KATNIP: variants seen among roughly 807,000 people sequenced by gnomAD.
The protein encoded by KATNIP is katanin-interacting protein.
KATNIP carries 126 observed loss-of-function variants against 174.0 expected under a neutral mutation model. The ratio of observed to expected loss-of-function variants is 0.72; its 90% CI spans 0.63 to 0.84. The LOEUF is 0.84. Ranked by LOEUF, KATNIP falls within the 40% of genes least tolerant of loss-of-function variation. The pLI is 0.00. For missense variants in KATNIP, 1,958 were observed against 2,109.7 expected, an observed-to-expected ratio of 0.93 and a Z score of 1.41; for synonymous variants, 810 against 835.7, an observed-to-expected ratio of 0.97 and a Z score of 0.53.
intron 3 of KATNIP, among the ~76,000 whole-genome samples, chr16:27,619,717 C>T (rs75692704): frequency 0.022 from 3,329 of 152,254 alleles, 138 homozygotes; most frequent in African/African-American, 0.076. Context: ...CACCCACTTT[C>T]CAGATACCTA....
At chr16:27,704,549 G>C (rs752525254) in intron 12 of KATNIP, among the ~76,000 whole-genome samples, 59 of 152,264 alleles carry the variant, frequency 3.9e-4, no homozygotes, top group Non-Finnish European at 7.6e-4. Flanking sequence ...TAAAAAGCTA[G>C]AGGCAGGAAG....
intron 18 of KATNIP, chr16:27,757,468 C>T (rs1311753353): frequency 1.0e-6 from 1 of 983,290 alleles, no homozygotes; most frequent in Non-Finnish European, 1.2e-6. Flanking sequence ...AGCCACTGTC[C>T]CCTTCATCTG....
chr16:27,750,300 G>A lies in KATNIP; in HGVS notation c.3340G>A (p.Ala1114Thr), dbSNP rs779855826. ...GEIAKASGTL[A>T]GAPEHFGDTI... ...AATCGCCAAGGCCTCTGGAACCCTGGCGGGAGGTATGGCGTGTCTGTAAGA... is the reference window on the plus strand; with the variant it reads ...AATCGCCAAGGCCTCTGGAACCCTGACGGGAGGTATGGCGTGTCTGTAAGA... The change falls in exon 16 of 28, where the codon GCG becomes ACG. Residue 1114 changes from alanine to threonine, a missense_variant. By Grantham distance (58) the Ala-to-Thr change is moderately conservative. This residue lies in a region of KATNIP where 1,557 missense variants were observed against 1,617.8 expected (regional missense o/e 0.96). Transcript: ENST00000261588. 3 of 1,608,104 alleles carry A rather than the reference G, an allele frequency of 1.9e-6. No individual in the cohort carries two copies. Among genetic ancestry groups the A allele is most frequent in the Non-Finnish European group, 2.5e-6 (3 of 1,176,622 alleles).
At chr16:27,710,385 T>C (rs1314658999) in intron 13 of KATNIP, among the ~76,000 whole-genome samples, 1 of 151,748 alleles carries the variant, frequency 6.6e-6, no homozygotes, top group Admixed American at 6.6e-5. Flanking sequence ...CAACAGAATT[T>C]ACAAAAAAAA....
intron 6 of KATNIP, among the ~76,000 whole-genome samples, chr16:27,666,857 G>T (rs2077705264): frequency 6.6e-6 from 1 of 152,064 alleles, no homozygotes; most frequent in South Asian, 2.1e-4. Context: ...TATGGACGTG[G>T]ACTGGCAAGC....
chr16:27,771,462 T>C, intron 21 of KATNIP, 126 bp from the exon 22 acceptor site: 1 of 808,894 alleles, frequency 1.2e-6, no homozygotes, highest in Non-Finnish European at 2.0e-6. Context: ...ATCTCTCTTT[T>C]CCCTGCTGCA....
At chr16:27,588,035 G>A (rs939630729) in intron 2 of KATNIP, among the ~76,000 whole-genome samples, 1 of 151,510 alleles carries the variant, frequency 6.6e-6, no homozygotes, top group Non-Finnish European at 1.5e-5. Flanking sequence ...GGGACTATGG[G>A]CATATGCCGC....
chr16:27,641,981 G>T (rs986545166), intron 5 of KATNIP, among the ~76,000 whole-genome samples: 1 of 152,216 alleles, frequency 6.6e-6, no homozygotes, highest in African/African-American at 2.4e-5. Flanking sequence ...GCCCCTTCTC[G>T]AGCCATCTCT....
At chr16:27,713,854 A>ATATCTATC (rs68041437) in intron 13 of KATNIP, among the ~76,000 whole-genome samples, 18 of 69,334 alleles carry the variant, frequency 2.6e-4, no homozygotes, top group South Asian at 1.8e-3. Context: ...ATATATATAT[A>ATATCTATC]TATCTATCTC....
At chr16:27,674,800 C>T (rs1044023430) in intron 6 of KATNIP, among the ~76,000 whole-genome samples, 1 of 152,204 alleles carries the variant, frequency 6.6e-6, no homozygotes, top group African/African-American at 2.4e-5. Flanking sequence ...AAAGATTCAC[C>T]TCCATACCAC....
intron 1 of KATNIP, among the ~76,000 whole-genome samples, chr16:27,570,867 C>T (rs1217556761): frequency 6.6e-6 from 1 of 151,994 alleles, no homozygotes; most frequent in East Asian, 1.9e-4. Flanking sequence ...ACAGTATATA[C>T]GGTGAGAAAG....
At chr16:27,709,035 C>G in intron 13 of KATNIP, 115 bp downstream of exon 13, 2 of 813,684 alleles carry the variant, frequency 2.5e-6, no homozygotes, top group Non-Finnish European at 3.9e-6. Flanking sequence ...ACAACAAAAT[C>G]TGGCCAGGTA....
Position 27,777,477 on chromosome 16 carries a change from C to T in KATNIP, c.4552-133C>T. The T allele has an allele frequency of 1.3e-6, 1 of 758,256 alleles. No individual in the cohort carries two copies. Among genetic ancestry groups the T allele is most frequent in the South Asian group, 1.9e-5 (1 of 52,738 alleles). The allele number at this position is 758,256 out of a possible 1,614,324, so 47.0% of individuals were successfully genotyped here. On this transcript the variant is annotated intron_variant, in intron 25 of 27. Coordinates refer to ENST00000261588, the MANE Select transcript of KATNIP (RefSeq NM_015202.5). The surrounding 1 kb of genome is among the most constrained non-coding windows in gnomAD (Gnocchi z 4.4). ...GAAATCACAAGGCAGACACAGCACA[C>T]AGTAGGCGCTTGTTCCTGACAGCCC...
chr16:27,751,027 C>T (rs1411354510), intron 16 of KATNIP, among the ~76,000 whole-genome samples: 5 of 152,070 alleles, frequency 3.3e-5, no homozygotes, highest in Non-Finnish European at 5.9e-5. Flanking sequence ...TGCACCCAGC[C>T]ACAGACCCGG....
At chr16:27,684,334 T>C (rs1039389097) in intron 8 of KATNIP, among the ~76,000 whole-genome samples, 8 of 152,180 alleles carry the variant, frequency 5.3e-5, no homozygotes, top group African/African-American at 1.9e-4. Context: ...TCTTAATTAC[T>C]CCACTATAAG....
chr16:27,701,181 A>G (rs1309374723), intron 10 of KATNIP, among the ~76,000 whole-genome samples: 2 of 152,036 alleles, frequency 1.3e-5, no homozygotes, highest in Non-Finnish European at 2.9e-5. Context: ...TTTTTGAGAC[A>G]GTGTCTCACT....
At position 27,580,997 on chromosome 16, in the gene KATNIP, T is replaced by G. The variant is rs547935262; in HGVS notation, c.63+7041T>G. On this transcript the variant is annotated intron_variant, in intron 2 of 27. Coordinates refer to ENST00000261588, the MANE Select transcript of KATNIP (RefSeq NM_015202.5). ...CCACCAGCTACTTGGGATGCTGAGG[T>G]GGGTGGCTCACTTGACCCCAGGAGT... 2.1e-4 allele frequency among the ~76,000 whole-genome samples: 32 copies of G among 152,228 alleles called. No individual in the cohort carries two copies. In the East Asian group the frequency reaches 5.8e-3, roughly 28 times the overall value.
intron 1 of KATNIP, among the ~76,000 whole-genome samples, chr16:27,559,936 G>A (rs1237208323): frequency 1.3e-5 from 2 of 150,410 alleles, no homozygotes; most frequent in Admixed American, 6.6e-5. Flanking sequence ...AGCCTAGATC[G>A]CGCCACTGCA....
chr16:27,627,763 A>G (rs1349491740), intron 3 of KATNIP, among the ~76,000 whole-genome samples: 6 of 152,234 alleles, frequency 3.9e-5, no homozygotes, highest in Admixed American at 2.6e-4. Context: ...ACTGAAGAAG[A>G]GGCACACTTG....
Sources: allele counts gnomAD v4.1 joint callset (sites outside exome capture counted in the v4.1 genomes callset), GRCh38; gene constraint gnomAD v4.1.1; regional missense constraint gnomAD v4.1.1; non-coding constraint Gnocchi (gnomAD v3.1); transcripts MANE v1.5; gene names NCBI Gene and HGNC (gene_info 2026-07-23, HGNC 2026-07-21).